Variants in DIPK1A observed in about 807,000 individuals in gnomAD.
DIPK1A encodes family with sequence similarity 69 member A.
DIPK1A carries 27 observed loss-of-function variants against 40.8 expected under a neutral mutation model. The ratio of observed to expected loss-of-function variants is 0.66; its 90% CI spans 0.49 to 0.91. The LOEUF (loss-of-function observed/expected upper bound fraction) is 0.91, where lower values mean the gene tolerates loss of function less well. DIPK1A is among the 40% of genes least tolerant of loss of function. DIPK1A has a pLI of 0.00. For synonymous variants in DIPK1A, 166 were observed against 171.3 expected (o/e 0.97, Z 0.24); for missense variants, 412 against 505.7 (o/e 0.81, Z 1.78).
intron 4 of DIPK1A, chr1:92,833,505 GC>G: frequency 6.2e-7 from 1 of 1,605,798 alleles, no homozygotes. Flanking sequence ...CTTTGCAGAT[GC>G]AGTGGAGTAT....
At chr1:92,865,291 A>C (rs955541926) in intron 2 of DIPK1A, among the ~76,000 whole-genome samples, 1 of 152,078 alleles carries the variant, frequency 6.6e-6, no homozygotes, top group African/African-American at 2.4e-5. Flanking sequence ...GGATCCCAGG[A>C]ATTCAAGGCT....
rs749973600 is a variant in DIPK1A, at chr1:92,847,308, C to G, written c.349G>C (p.Glu117Gln). Residue 117 changes from glutamate (E) to glutamine (Q), a missense_variant, in exon 4 of 5, where the codon GAA becomes CAA. By Grantham distance (29) the Glu-to-Gln change is conservative (BLOSUM62 2). Transcript: ENST00000370310. The stretch of plus-strand genomic sequence containing the variant: ...CCAAAATCAAGATGAAGCGCTTGTT[C>G]CATTTGACATTTCACAACACCTGGT... Reference protein sequence around the residue: ...NLPGVVKCQMEQALHLDFGTE... With the variant: ...NLPGVVKCQMQQALHLDFGTE... 2.2e-5 allele frequency: 35 copies of G among 1,612,082 alleles called. No homozygotes were observed. The East Asian group carries it at 7.6e-4, about 35-fold the overall frequency.
intron 2 of DIPK1A, among the ~76,000 whole-genome samples, chr1:92,866,354 G>A (rs1322668261): frequency 1.3e-5 from 2 of 152,072 alleles, no homozygotes. Context: ...CACCCGCCTC[G>A]GCCTCTCAAA....
At chr1:92,834,126 GAAGTAAGT>G (rs947364414) in intron 4 of DIPK1A, among the ~76,000 whole-genome samples, 1 of 152,282 alleles carries the variant, frequency 6.6e-6, no homozygotes, top group African/African-American at 2.4e-5. Context: ...GGGGAGATTA[GAAGTAAGT>G]AAGAAGTTCT....
rs572438105 is a variant in DIPK1A at position 92,946,986 on chromosome 1, T to C, written c.54+14390A>G. 1.1e-4 allele frequency among the ~76,000 whole-genome samples: 16 copies of C among 151,656 alleles called. 1 individual carries two copies. Among genetic ancestry groups the C allele is most frequent in the African/African-American group, 3.6e-4 (15 of 41,416 alleles). On this transcript the variant is annotated intron_variant, in intron 1 of 4. Transcript: ENST00000370310. Reference sequence around the variant, plus strand: ...ACCACACAGACATAAAAGTCTATTATGTAGAGCAGTGATCTCCAAATTTTT... The same window carrying C: ...ACCACACAGACATAAAAGTCTATTACGTAGAGCAGTGATCTCCAAATTTTT...
At chr1:92,881,236 C>G (rs191703158) in intron 1 of DIPK1A, among the ~76,000 whole-genome samples, 74 of 132,322 alleles carry the variant, frequency 5.6e-4, no homozygotes, top group African/African-American at 1.8e-3. Context: ...CTGCATCTTT[C>G]ATAAACATGT....
intron 2 of DIPK1A, among the ~76,000 whole-genome samples, chr1:92,872,273 G>C (rs946654072): frequency 6.6e-6 from 1 of 151,448 alleles, no homozygotes; most frequent in African/African-American, 2.4e-5. Context: ...GTAGAGACAG[G>C]TTTTTGCTAT....
At position 92,877,216 on chromosome 1, in the gene DIPK1A, T is replaced by C. The variant is rs41424849; in HGVS notation, c.55-786A>G. The C allele has an allele frequency of 4.6e-3, 3,385 of 734,330 alleles. 258 individuals carry two copies. The East Asian group carries it at 0.22, about 47-fold the overall frequency. 45.5% of individuals were successfully genotyped at this position (734,330 alleles called of 1,614,324 possible). A position where few individuals can be genotyped will look rare whatever the true frequency, so the allele number is the denominator to read the frequency against. On this transcript the variant is annotated intron_variant, in intron 1 of 4. Transcript: ENST00000370310. ...CTGGTTGATGCCTTTTTTCCATCAA[T>C]TACATATCAAACAGTTTCATCTTCA...
At chr1:92,927,124 T>C (rs1557488249) in intron 1 of DIPK1A, among the ~76,000 whole-genome samples, 1 of 152,206 alleles carries the variant, frequency 6.6e-6, no homozygotes, top group Non-Finnish European at 1.5e-5. Context: ...AACAGCTTTA[T>C]TGAAATATAA....
downstream of DIPK1A, chr1:92,842,048 A>G (rs960321487): frequency 8.7e-6 from 7 of 803,750 alleles, no homozygotes; most frequent in Non-Finnish European, 1.1e-5. Context: ...TTTTAAGAAA[A>G]AAAGTTGTTA....
chr1:92,942,130 T>C (rs1214472021), intron 1 of DIPK1A, among the ~76,000 whole-genome samples: 3 of 152,170 alleles, frequency 2.0e-5, no homozygotes, highest in African/African-American at 7.2e-5. Flanking sequence ...AGCAACATGA[T>C]ACAGTTTATG....
chr1:92,941,103 A>G (rs534207808), intron 1 of DIPK1A, among the ~76,000 whole-genome samples: 3 of 152,312 alleles, frequency 2.0e-5, no homozygotes, highest in African/African-American at 7.2e-5. Context: ...AGCAGAGAAA[A>G]AGATTTTAAT....
At chr1:92,867,125 C>A (rs1426573946) in intron 2 of DIPK1A, among the ~76,000 whole-genome samples, 1 of 152,114 alleles carries the variant, frequency 6.6e-6, no homozygotes, top group Non-Finnish European at 1.5e-5. Context: ...TTATTAATCT[C>A]CATTTACAAA....
At chr1:92,873,292 C>T (rs894580271) in intron 2 of DIPK1A, among the ~76,000 whole-genome samples, 1 of 152,054 alleles carries the variant, frequency 6.6e-6, no homozygotes, top group African/African-American at 2.4e-5. Context: ...TGAAAAGCAG[C>T]CACAAAAACT....
chr1:92,840,266 C>T (rs964579431), downstream of DIPK1A: 3 of 378,584 alleles, frequency 7.9e-6, no homozygotes, highest in African/African-American at 6.3e-5. Flanking sequence ...CCACTTCAGA[C>T]TCCCAAAGTG....
intron 1 of DIPK1A, among the ~76,000 whole-genome samples, chr1:92,928,978 A>C (rs542430238): frequency 2.6e-5 from 4 of 152,250 alleles, no homozygotes; most frequent in African/African-American, 9.6e-5. Flanking sequence ...AAAAAAAAGA[A>C]AAAAAGAAAA....
chr1:92,935,142 G>C lies in DIPK1A; in HGVS notation c.54+26234C>G, dbSNP rs1002881156. 2.0e-5 allele frequency among the ~76,000 whole-genome samples: 3 copies of C among 152,156 alleles called. No homozygotes were observed. The East Asian group carries it at 5.8e-4, about 29-fold the overall frequency. On this transcript the variant is annotated intron_variant, in intron 1 of 4. Coordinates refer to ENST00000370310, the MANE Select transcript of DIPK1A (RefSeq NM_001006605.5). ...TTGCTCAGAATCATACAGCTAGTTG[G>C]TGACAGGACAAAACACAGGTCTTGA...
chr1:92,872,865 G>C (rs189943300), intron 2 of DIPK1A, among the ~76,000 whole-genome samples: 7 of 152,298 alleles, frequency 4.6e-5, no homozygotes, highest in African/African-American at 1.7e-4. Flanking sequence ...AGTCTGTTCT[G>C]CTTTTCAAAG....
At chr1:92,859,576 G>A (rs1688100821) in intron 2 of DIPK1A, among the ~76,000 whole-genome samples, 1 of 152,214 alleles carries the variant, frequency 6.6e-6, no homozygotes, top group Non-Finnish European at 1.5e-5. Context: ...CTTGGCTAGA[G>A]CTGTAATCAG....
Sources: allele counts gnomAD v4.1 joint callset (sites outside exome capture counted in the v4.1 genomes callset), GRCh38; gene constraint gnomAD v4.1.1; transcripts MANE v1.5; gene names NCBI Gene and HGNC (gene_info 2026-07-23, HGNC 2026-07-21).